Variants in FLT4 observed in about 807,000 individuals in gnomAD.
The protein encoded by FLT4 is fms related receptor tyrosine kinase 4, also known as vascular endothelial growth factor receptor 3.
In FLT4, 30 loss-of-function variants were observed where a neutral mutation model predicts 163.2. The ratio of observed to expected loss-of-function variants is 0.18; its 90% CI spans 0.14 to 0.25. The LOEUF (loss-of-function observed/expected upper bound fraction) is 0.25, where lower values mean the gene tolerates loss of function less well. Ranked by LOEUF, FLT4 falls within the 10% of genes least tolerant of loss-of-function variation. FLT4 has a pLI of 1.00. For synonymous variants in FLT4, 884 were observed against 789.5 expected, an observed-to-expected ratio of 1.12 and a Z score of -2.01; for missense variants, 1,510 against 1,863.8, an observed-to-expected ratio of 0.81 and a Z score of 3.50.
intron 29 of FLT4, among the ~76,000 whole-genome samples, chr5:180,606,896 A>AG: frequency 4.3e-5 from 1 of 23,104 alleles, no homozygotes; most frequent in Non-Finnish European, 3.4e-4. Context: ...TCTCTACTAA[A>AG]AAAAAAAAAA....
intron 23 of FLT4, among the ~76,000 whole-genome samples, chr5:180,615,135 G>A (rs901329689): frequency 1.3e-5 from 2 of 152,086 alleles, no homozygotes; most frequent in Non-Finnish European, 2.9e-5. Flanking sequence ...AGCTCCAATC[G>A]GAGCACTGCG....
chr5:180,649,924 C>T (rs1307426711), upstream of FLT4, among the ~76,000 whole-genome samples: 6 of 152,138 alleles, frequency 3.9e-5, no homozygotes, highest in Non-Finnish European at 7.4e-5. Flanking sequence ...CTAGACTAAA[C>T]AAGAAAGCAA....
At position 180,630,567 on chromosome 5, in the gene FLT4, C is replaced by A. The variant is rs771975253; in HGVS notation, c.388G>T (p.Val130Leu). 6.2e-7 allele frequency: 1 copy of A among 1,612,994 alleles called. No individual in the cohort carries two copies. Among genetic ancestry groups the A allele is most frequent in the South Asian group, 1.1e-5 (1 of 91,088 alleles). The change falls in exon 3 of 30, where the codon GTG becomes TTG. Residue 130 changes from valine (V) to leucine (L), a missense_variant. Val to Leu is a conservative substitution (Grantham distance 32). Around this residue, in one of 5 missense-constraint regions of FLT4, gnomAD observed 163 missense variants for 281.1 expected, o/e 0.58. Coordinates refer to ENST00000261937, the MANE Select transcript of FLT4 (RefSeq NM_182925.5). This position sits in a 1 kb window ranked among gnomAD's most constrained non-coding sequence, Gnocchi z 6.3. ...IEGTTAASSY[V>L]FVRDFEQPFI... is the part of the protein sequence containing the mutation. ...CTCCAAGTCTCACCTCTCACGAACA[C>A]GTAGGAGCTGGCGGCCGTGGTGCCC...
intron 24 of FLT4, 66 bp from the exon 25 acceptor site, chr5:180,613,176 C>T: frequency 8.6e-7 from 1 of 1,162,446 alleles, no homozygotes; most frequent in East Asian, 2.3e-5. Context: ...CCCCCCAAGT[C>T]ACCCCATCCT....
chr5:180,617,012 G>C lies in FLT4; in HGVS notation c.3002-18C>G. 6.2e-7 allele frequency: 1 copy of C among 1,603,184 alleles called. No homozygotes were observed. The highest frequency in any genetic ancestry group is 1.3e-5 in the African/African-American group (1 of 74,730). On this transcript the variant is annotated intron_variant, in intron 21 of 29. Coordinates refer to ENST00000261937, the MANE Select transcript of FLT4 (RefSeq NM_182925.5). ...GTCCTCAGCTACACAGTGGAGCCAG[G>C]TGGGCTCAGGAGGCGCCTCCTCCGC...
intron 11 of FLT4, 96 bp from the exon 12 acceptor site, chr5:180,622,935 CCA>C (rs1561723007): frequency 8.9e-6 from 7 of 787,560 alleles, no homozygotes; most frequent in African/African-American, 6.9e-5. Flanking sequence ...ACCACCCCCC[CCA>C]ATCATGGGGG....
chr5:180,624,560 C>A (rs1171557211), intron 10 of FLT4, among the ~76,000 whole-genome samples: 1 of 152,128 alleles, frequency 6.6e-6, no homozygotes, highest in Non-Finnish European at 1.5e-5. Flanking sequence ...ACCCTTCAGG[C>A]TCAGGACCCG....
In FLT4 at chr5:180,624,069, G is replaced by A. The variant is rs749735045; in HGVS notation, c.1422-8C>T. 168 of 1,610,882 alleles carry A rather than the reference G, an allele frequency of 1.0e-4. No homozygotes were observed. The highest frequency in any genetic ancestry group is 1.2e-4 in the Non-Finnish European group (144 of 1,179,922). On this transcript the variant is annotated splice_polypyrimidine_tract_variant and splice_region_variant and intron_variant, in intron 10 of 29. Coordinates refer to ENST00000261937, the MANE Select transcript of FLT4 (RefSeq NM_182925.5). ...TGCTGCTGCCGCCGCCGGCTGCCAG[G>A]ACCAGAAGAGGCAAGGGCAGGTCAG...
chr5:180,621,880 T>G lies in FLT4; in HGVS notation c.1682A>C (p.Glu561Ala). 6.2e-7 allele frequency: 1 copy of G among 1,613,510 alleles called. No homozygotes were observed. The highest frequency in any genetic ancestry group is 1.7e-4 in the Middle Eastern group (1 of 6,060). The change falls in exon 13 of 30, where the codon GAA (glutamate) becomes GCA (alanine). Residue 561 changes from glutamate to alanine, a missense_variant. Around this residue, in one of 5 missense-constraint regions of FLT4, gnomAD observed 878 missense variants for 1,016.7 expected, o/e 0.86. Transcript: ENST00000261937. ...TAGTAGCTCCTCGGATGGCTTGGAT[T>G]CGATGGTGAAGCCGTCGGGGATGGC... ...VTTIPDGFTI[E>A]SKPSEELLEG...
chr5:180,602,995 C>T lies in FLT4; in HGVS notation c.*197G>A. On this transcript the variant is annotated 3_prime_UTR_variant, in exon 30 of 30. Transcript: ENST00000261937. Reference sequence around the variant, plus strand: ...CGGGGCAGCTGGAGCGTGGCCCTGGCCAGTCGTGGTGACGGAATTCCGGGA... The same window carrying T: ...CGGGGCAGCTGGAGCGTGGCCCTGGTCAGTCGTGGTGACGGAATTCCGGGA... 4.8e-6 allele frequency: 3 copies of T among 626,076 alleles called. No homozygotes were observed. Among genetic ancestry groups the T allele is most frequent in the Non-Finnish European group, 8.5e-6 (3 of 352,416 alleles). The allele number at this position is 626,076 out of a possible 1,614,324, so 38.8% of individuals were successfully genotyped here.
intron 1 of FLT4, among the ~76,000 whole-genome samples, chr5:180,634,830 GAGGA>G (rs1253825416): frequency 1.1e-4 from 2 of 17,756 alleles, no homozygotes; most frequent in East Asian, 7.9e-4. Context: ...GGGTGGGTGG[GAGGA>G]TGGATGCATG....
intron 10 of FLT4, among the ~76,000 whole-genome samples, chr5:180,624,879 T>G (rs1381256065): frequency 1.3e-5 from 2 of 152,188 alleles, no homozygotes; most frequent in Admixed American, 6.5e-5. Context: ...TCTGCCCCTG[T>G]GGAGGAGCCG....
rs1428830664 is a variant in FLT4 at position 180,602,060 on chromosome 5, G to C, written c.*1132C>G. 5 of 233,406 alleles carry C rather than the reference G, an allele frequency of 2.1e-5. No individual in the cohort carries two copies. The East Asian group carries it at 2.4e-4, about 11-fold the overall frequency. 14.5% of individuals were successfully genotyped at this position (233,406 alleles called of 1,614,324 possible). A position where few individuals can be genotyped will look rare whatever the true frequency, so the allele number is the denominator to read the frequency against. ...AGGGGATCTCTCGGCTGCTCCTCTG[G>C]GAGGGCGGCATTCTGACCAGCCAGG... is the stretch of plus-strand genomic sequence containing the variant. On this transcript the variant is annotated 3_prime_UTR_variant, in exon 30 of 30. Transcript: ENST00000261937.
rs112236049 is a variant in FLT4, at chr5:180,648,779, C to T, written c.58+709G>A. 7.0e-3 allele frequency among the ~76,000 whole-genome samples: 1,069 copies of T among 152,338 alleles called. 10 individuals are homozygous for T. Among genetic ancestry groups the T allele is most frequent in the African/African-American group, 0.025 (1,037 of 41,594 alleles). ...CTCTCCTGTGCAGGGGACCCTCCCG[C>T]GGGGGCCTCTGCTCCTCAGCTGGCC... On this transcript the variant is annotated intron_variant, in intron 1 of 29. Coordinates refer to ENST00000261937, the MANE Select transcript of FLT4 (RefSeq NM_182925.5).
rs985912465 is a variant in FLT4, at chr5:180,601,557, A to G, written c.*1635T>C. On this transcript the variant is annotated 3_prime_UTR_variant, in exon 30 of 30. Coordinates refer to ENST00000261937, the MANE Select transcript of FLT4 (RefSeq NM_182925.5). Reference sequence around the variant, plus strand: ...CAGATTTATTATTATCTCTTGTTAAATATTTTCGATCTTTTCTCAGAACAT... The same window carrying G: ...CAGATTTATTATTATCTCTTGTTAAGTATTTTCGATCTTTTCTCAGAACAT... The G allele has an allele frequency of 3.0e-5, 7 of 233,168 alleles. No homozygotes were observed. Among genetic ancestry groups the G allele is most frequent in the African/African-American group, 1.3e-4 (6 of 45,342 alleles). 14.4% of individuals were successfully genotyped at this position (233,168 alleles called of 1,614,324 possible).
At position 180,621,519 on chromosome 5, in the gene FLT4, G is replaced by A. The variant is rs537871113; in HGVS notation, c.2020+23C>T. 6.8e-6 allele frequency: 11 copies of A among 1,609,684 alleles called. No homozygotes were observed. The East Asian group carries it at 1.1e-4, about 16-fold the overall frequency. ...TACTGCTAGAAGAGAGCGCGTCCCC[G>A]CCCTCCCCGCGGCCAGCCTCACCCT... is the stretch of plus-strand genomic sequence containing the variant. On this transcript the variant is annotated intron_variant, in intron 13 of 29. Transcript: ENST00000261937.
At chr5:180,603,512 G>A in intron 29 of FLT4, 122 bp from the exon 30 acceptor site, 1 of 870,378 alleles carries the variant, frequency 1.1e-6, no homozygotes, top group Non-Finnish European at 1.9e-6. Flanking sequence ...AGGAGTTAGA[G>A]TCCAGCCCAG....
In FLT4 at chr5:180,603,531, G is replaced by A. The variant is rs535828961; in HGVS notation, c.3894-141C>T. On this transcript the variant is annotated intron_variant, in intron 29 of 29. Coordinates refer to ENST00000261937, the MANE Select transcript of FLT4 (RefSeq NM_182925.5). ...GTTAGAGTCCAGCCCAGGCAACATG[G>A]GGAAACCCCGTCTCTACAAAAAATA... 118 of 757,556 alleles carry A rather than the reference G, an allele frequency of 1.6e-4. No individual in the cohort carries two copies. In the African/African-American group the frequency reaches 1.7e-3, roughly 11 times the overall value. The allele number at this position is 757,556 out of a possible 1,614,324, so 46.9% of individuals were successfully genotyped here.
At chr5:180,608,560 C>T (rs1278285538) in intron 29 of FLT4, among the ~76,000 whole-genome samples, 1 of 152,136 alleles carries the variant, frequency 6.6e-6, no homozygotes, top group Non-Finnish European at 1.5e-5. Context: ...AGGGCCGGAC[C>T]CTACACCAGC....
Sources: allele counts gnomAD v4.1 joint callset (sites outside exome capture counted in the v4.1 genomes callset), GRCh38; gene constraint gnomAD v4.1.1; regional missense constraint gnomAD v4.1.1; non-coding constraint Gnocchi (gnomAD v3.1); transcripts MANE v1.5; gene names NCBI Gene and HGNC (gene_info 2026-07-23, HGNC 2026-07-21).